The following EIF2B3 variants were observed in gnomAD, a reference collection of about 807,000 sequenced individuals.
The protein encoded by EIF2B3 is translation initiation factor eIF2B subunit gamma.
A neutral mutation model predicts 54.1 loss-of-function variants in EIF2B3; 20 were observed. That is an observed-to-expected ratio of 0.37 (90% CI 0.26 to 0.54). The LOEUF is 0.54. Among genes scored for constraint, EIF2B3 ranks in the 20% least tolerant of loss-of-function variants. The pLI, the probability that EIF2B3 is intolerant of heterozygous loss-of-function variation, is 0.86. For synonymous variants in EIF2B3, 153 were observed against 188.1 expected, an observed-to-expected ratio of 0.81 and a Z score of 1.52; for missense variants, 448 against 547.8, an observed-to-expected ratio of 0.82 and a Z score of 1.82.
At chr1:44,869,235 T>C (rs888231104) in intron 10 of EIF2B3, among the ~76,000 whole-genome samples, 1 of 152,156 alleles carries the variant, frequency 6.6e-6, no homozygotes. Flanking sequence ...CCCAGCACTT[T>C]GGGAGGCTGA....
chr1:44,902,666 A>G (rs1313122911), intron 5 of EIF2B3, among the ~76,000 whole-genome samples: 1 of 151,772 alleles, frequency 6.6e-6, no homozygotes, highest in Admixed American at 6.6e-5. Context: ...CACAAAAAAT[A>G]AAGAAAGAAA....
chr1:44,875,830 G>A, intron 8 of EIF2B3, 135 bp from the exon 9 acceptor site: 5 of 749,886 alleles, frequency 6.7e-6, no homozygotes, highest in Non-Finnish European at 1.2e-5. Context: ...TCCCTCTGAT[G>A]CCGAGCCAAA....
intron 4 of EIF2B3, among the ~76,000 whole-genome samples, chr1:44,935,238 A>C (rs1040594325): frequency 2.0e-5 from 3 of 152,256 alleles, no homozygotes; most frequent in African/African-American, 7.2e-5. Context: ...GATAGTATTA[A>C]ACAATTACAT....
chr1:44,879,240 T>G (rs566845976), intron 8 of EIF2B3, among the ~76,000 whole-genome samples: 1 of 152,266 alleles, frequency 6.6e-6, no homozygotes, highest in African/African-American at 2.4e-5. Flanking sequence ...CTGGCTTATC[T>G]TTGAGGACAC....
intron 1 of EIF2B3, among the ~76,000 whole-genome samples, chr1:44,983,694 A>C (rs1644538650): frequency 7.5e-6 from 1 of 132,524 alleles, no homozygotes; most frequent in African/African-American, 3.2e-5. Context: ...CAACTTGGTG[A>C]AACTCTGTCT....
At chr1:44,984,614 T>C (rs945227807) in intron 1 of EIF2B3, among the ~76,000 whole-genome samples, 1 of 152,098 alleles carries the variant, frequency 6.6e-6, no homozygotes, top group Non-Finnish European at 1.5e-5. Flanking sequence ...AGAGCTAGAA[T>C]GCCTAGGTTT....
rs140555649 is a variant in EIF2B3 at position 44,939,572 on chromosome 1, T to C, written c.454+1934A>G. 5.1e-3 allele frequency among the ~76,000 whole-genome samples: 769 copies of C among 152,268 alleles called. 10 individuals carry two copies. The highest frequency in any genetic ancestry group is 0.018 in the African/African-American group (739 of 41,568). On this transcript the variant is annotated intron_variant, in intron 4 of 11. Transcript: ENST00000360403. ...TTTGAGGGATGGATATGTTAACCTG[T>C]TTAATTTAATTATTCCACATTGTAT...
intron 5 of EIF2B3, among the ~76,000 whole-genome samples, chr1:44,918,691 A>G (rs1367676526): frequency 1.3e-5 from 2 of 152,124 alleles, no homozygotes; most frequent in African/African-American, 4.8e-5. Flanking sequence ...GCACCTAACC[A>G]ATAGCATTCT....
In EIF2B3 at chr1:44,862,896, C is replaced by T. The variant is rs1654657103; in HGVS notation, c.1203-5089G>A. On this transcript the variant is annotated intron_variant, in intron 10 of 11. Coordinates refer to ENST00000360403, the MANE Select transcript of EIF2B3 (RefSeq NM_020365.5). The stretch of plus-strand genomic sequence containing the variant: ...ACAGGCGTGAGCCACTGCACCCAGC[C>T]TACACTCATTTTATAACTGAATCCT... 3 of 152,164 alleles carry T rather than the reference C, an allele frequency of 2.0e-5. No individual in the cohort carries two copies. In the South Asian group the frequency reaches 6.2e-4, roughly 32 times the overall value. 9.4% of individuals were successfully genotyped at this position (152,164 alleles called of 1,614,324 possible).
At chr1:44,971,372 GAA>G (rs35558705) in intron 3 of EIF2B3, among the ~76,000 whole-genome samples, 149 of 118,030 alleles carry the variant, frequency 1.3e-3, no homozygotes, top group Admixed American at 2.9e-3. Context: ...TCCGTCTCCA[GAA>G]AAAAAAAAAA....
intron 3 of EIF2B3, among the ~76,000 whole-genome samples, chr1:44,963,477 C>T (rs953640762): frequency 1.6e-4 from 24 of 151,974 alleles, no homozygotes; most frequent in Non-Finnish European, 4.4e-5. Flanking sequence ...GCCACGTTGT[C>T]CAGGCTAGTC....
At chr1:44,922,591 C>CAAAAA (rs58626731) in intron 5 of EIF2B3, among the ~76,000 whole-genome samples, 12 of 87,520 alleles carry the variant, frequency 1.4e-4, no homozygotes, top group Non-Finnish European at 2.1e-4. Flanking sequence ...TGTCTCAAGA[C>CAAAAA]AAAAAAAAAA....
At chr1:44,975,993 C>T (rs1644449399) in intron 3 of EIF2B3, among the ~76,000 whole-genome samples, 1 of 152,058 alleles carries the variant, frequency 6.6e-6, no homozygotes, top group Admixed American at 6.6e-5. Context: ...AAGACTCTGT[C>T]TCAAAAAGAA....
chr1:44,881,204 T>C lies in EIF2B3; in HGVS notation c.784+408A>G, dbSNP rs892178524. 6.6e-6 allele frequency among the ~76,000 whole-genome samples: 1 copy of C among 152,248 alleles called. No individual in the cohort carries two copies. The highest frequency in any genetic ancestry group is 1.5e-5 in the Non-Finnish European group (1 of 68,042). On this transcript the variant is annotated intron_variant, in intron 7 of 11. Coordinates refer to ENST00000360403, the MANE Select transcript of EIF2B3 (RefSeq NM_020365.5). The surrounding 1 kb of genome is among the most constrained non-coding windows in gnomAD (Gnocchi z 4.0). ...TGGCACGGAGACACCTGGGTTGGCC[T>C]GTGGTTGGACTGCAATTGTACATTC...
intron 3 of EIF2B3, among the ~76,000 whole-genome samples, chr1:44,965,345 T>TA (rs1644326172): frequency 6.6e-6 from 1 of 152,182 alleles, no homozygotes; most frequent in Non-Finnish European, 1.5e-5. Flanking sequence ...AATCTACATA[T>TA]AAAATTCTAC....
intron 5 of EIF2B3, among the ~76,000 whole-genome samples, chr1:44,908,811 G>A (rs1476579830): frequency 1.3e-5 from 2 of 152,184 alleles, no homozygotes; most frequent in African/African-American, 4.8e-5. Context: ...TAAATGAAGG[G>A]ACTGGCCCCA....
intron 3 of EIF2B3, chr1:44,958,660 A>T: frequency 6.3e-7 from 1 of 1,592,242 alleles, no homozygotes; most frequent in South Asian, 1.1e-5. Flanking sequence ...TTCTGTGATC[A>T]GCATGGCAGT....
chr1:44,937,135 A>G (rs1368840220), intron 4 of EIF2B3: 1 of 152,214 alleles, frequency 6.6e-6, no homozygotes, highest in East Asian at 1.9e-4. Flanking sequence ...TGCTAGATCC[A>G]TATTGCTAAA....
chr1:44,926,640 G>A lies in EIF2B3; in HGVS notation c.554C>T (p.Ser185Phe). The change falls in exon 5 of 12, where the codon TCC (serine) becomes TTC (phenylalanine). Residue 185 changes from serine to phenylalanine, a missense_variant. By Grantham distance (155) the Ser-to-Phe change is radical (BLOSUM62 -2). This residue lies in a region of EIF2B3 where 350 missense variants were observed against 414.2 expected (regional missense o/e 0.85). Transcript: ENST00000360403. ...DLDEELVIKG[S>F]ILQKHPRIRF... is the part of the protein sequence containing the mutation. ...CCCTAGGGCTTACTTCTGTAGGATG[G>A]ATCCCTTAATGACCAGCTCTTCATC... 1.2e-6 allele frequency: 2 copies of A among 1,613,614 alleles called. No individual in the cohort carries two copies. Among genetic ancestry groups the A allele is most frequent in the Non-Finnish European group, 1.7e-6 (2 of 1,179,718 alleles).
Sources: allele counts gnomAD v4.1 joint callset (sites outside exome capture counted in the v4.1 genomes callset), GRCh38; gene constraint gnomAD v4.1.1; regional missense constraint gnomAD v4.1.1; non-coding constraint Gnocchi (gnomAD v3.1); transcripts MANE v1.5; gene names NCBI Gene and HGNC (gene_info 2026-07-23, HGNC 2026-07-21).